Variants in SCHIP1 observed in about 807,000 individuals in gnomAD.
SCHIP1 encodes schwannomin interacting protein 1.
SCHIP1 carries 8 observed loss-of-function variants against 29.7 expected under a neutral mutation model. The observed-to-expected ratio is 0.27, with a 90% CI of 0.16 to 0.49. SCHIP1 has a LOEUF of 0.49. Among genes scored for constraint, SCHIP1 ranks in the 20% least tolerant of loss-of-function variants. The pLI is 0.99. For synonymous variants in SCHIP1, 76 were observed against 94.9 expected, an observed-to-expected ratio of 0.80 and a Z score of 1.16; for missense variants, 193 against 294.6, an observed-to-expected ratio of 0.66 and a Z score of 2.52.
chr3:159,746,064 G>A, the SCHIP1 span, among the ~76,000 whole-genome samples: 1 of 152,164 alleles, frequency 6.6e-6, no homozygotes, highest in Non-Finnish European at 1.5e-5. Context: ...CTAGAGTGAG[G>A]TTATAGGAAC....
At chr3:159,485,461 C>T in the SCHIP1 span, among the ~76,000 whole-genome samples, 7 of 152,122 alleles carry the variant, frequency 4.6e-5, no homozygotes, top group East Asian at 1.3e-3. Context: ...AAGAGCTGTG[C>T]TTTTGGAAAT....
the SCHIP1 span, among the ~76,000 whole-genome samples, chr3:159,615,224 G>A: frequency 6.6e-6 from 1 of 152,214 alleles, no homozygotes; most frequent in African/African-American, 2.4e-5. Context: ...TTCAGATCAT[G>A]TTCAGTGTTG....
chr3:159,545,930 T>A, the SCHIP1 span, among the ~76,000 whole-genome samples: 1 of 151,730 alleles, frequency 6.6e-6, no homozygotes. Flanking sequence ...TCAAGTCTTT[T>A]AAACATTTTT....
the SCHIP1 span, among the ~76,000 whole-genome samples, chr3:159,370,938 A>G: frequency 1.3e-5 from 2 of 152,166 alleles, no homozygotes; most frequent in South Asian, 4.1e-4. Flanking sequence ...TGCAGATGGC[A>G]TATGGAAGGA....
At chr3:159,566,490 A>C in the SCHIP1 span, among the ~76,000 whole-genome samples, 27 of 152,302 alleles carry the variant, frequency 1.8e-4, no homozygotes, top group African/African-American at 6.0e-4. Flanking sequence ...AATAAATAGA[A>C]TGTACATTAT....
the SCHIP1 span, among the ~76,000 whole-genome samples, chr3:159,355,527 A>AC: frequency 1.3e-5 from 2 of 152,180 alleles, no homozygotes; most frequent in African/African-American, 4.8e-5. Flanking sequence ...CTGAAAATTG[A>AC]TTTCCTCAGA....
the SCHIP1 span, among the ~76,000 whole-genome samples, chr3:159,488,989 G>T: frequency 1.3e-5 from 2 of 152,090 alleles, no homozygotes; most frequent in African/African-American, 4.8e-5. Flanking sequence ...TTTAGTACAT[G>T]CTTATTGTCC....
chr3:159,441,030 G>T, the SCHIP1 span, among the ~76,000 whole-genome samples: 2 of 152,156 alleles, frequency 1.3e-5, no homozygotes, highest in Non-Finnish European at 2.9e-5. Context: ...GGCACTTCCA[G>T]CTTCCTTGTT....
At chr3:159,283,892 G>A in the SCHIP1 span, among the ~76,000 whole-genome samples, 4 of 152,154 alleles carry the variant, frequency 2.6e-5, no homozygotes, top group East Asian at 7.7e-4. Flanking sequence ...GTTATGGTCT[G>A]TTCTTGCATT....
chr3:159,529,434 G>T, the SCHIP1 span, among the ~76,000 whole-genome samples: 1 of 152,142 alleles, frequency 6.6e-6, no homozygotes, highest in Non-Finnish European at 1.5e-5. Context: ...ACTCACCTTT[G>T]CTGGCTCCTA....
the SCHIP1 span, among the ~76,000 whole-genome samples, chr3:159,503,609 T>C: frequency 6.6e-6 from 1 of 152,198 alleles, no homozygotes; most frequent in African/African-American, 2.4e-5. Context: ...TTTCATATGC[T>C]ATTCAGAGTG....
chr3:159,617,782 C>T, the SCHIP1 span, among the ~76,000 whole-genome samples: 7 of 152,176 alleles, frequency 4.6e-5, no homozygotes, highest in African/African-American at 1.7e-4. Flanking sequence ...ATACAGCTCC[C>T]GTGCTTATGA....
the SCHIP1 span, among the ~76,000 whole-genome samples, chr3:159,507,653 C>T: frequency 3.3e-5 from 5 of 152,110 alleles, no homozygotes; most frequent in African/African-American, 1.2e-4. Flanking sequence ...CAATACCTAA[C>T]TTATTGAGAG....
the SCHIP1 span, chr3:159,282,746 T>C: frequency 6.7e-6 from 1 of 150,230 alleles, no homozygotes; most frequent in Non-Finnish European, 1.5e-5. Flanking sequence ...ATCTTTACCA[T>C]ATGTTAAAAA....
chr3:159,828,715 C>T, the SCHIP1 span, among the ~76,000 whole-genome samples: 1 of 151,870 alleles, frequency 6.6e-6, no homozygotes, highest in Admixed American at 6.6e-5. Context: ...ACTATCGCCT[C>T]GGAGCATTGA....
chr3:159,887,518 T>A, intron 3 of SCHIP1, 190 bp from the exon 5 acceptor site: 1 of 634,418 alleles, frequency 1.6e-6, no homozygotes, highest in East Asian at 2.6e-5. Context: ...TCTCTGTTTA[T>A]GCTAAAATCT....
At chr3:159,510,193 C>T in the SCHIP1 span, among the ~76,000 whole-genome samples, 15 of 152,250 alleles carry the variant, frequency 9.9e-5, no homozygotes, top group East Asian at 2.9e-3. Context: ...CTCTAAACTT[C>T]TCTTCTCATT....
chr3:159,707,642 T>G, the SCHIP1 span, among the ~76,000 whole-genome samples: 1 of 152,226 alleles, frequency 6.6e-6, no homozygotes, highest in Non-Finnish European at 1.5e-5. Context: ...GTGTGAACCA[T>G]GGTCCACAAA....
the SCHIP1 span, among the ~76,000 whole-genome samples, chr3:159,713,248 GAAAGAAA>G: frequency 2.4e-3 from 331 of 138,090 alleles, 2 homozygotes; most frequent in African/African-American, 8.9e-3. Context: ...AAGAAAGAAA[GAAAGAAA>G]GAAAGAAAGA....
Sources: allele counts gnomAD v4.1 joint callset (sites outside exome capture counted in the v4.1 genomes callset), GRCh38; gene constraint gnomAD v4.1.1; transcripts MANE v1.5; gene names NCBI Gene and HGNC (gene_info 2026-07-23, HGNC 2026-07-21).